Variants in SCAF8 observed in about 807,000 individuals in gnomAD.
SCAF8 encodes SR-related CTD associated factor 8.
SCAF8 carries 23 observed loss-of-function variants against 140.5 expected under a neutral mutation model. The ratio of observed to expected loss-of-function variants is 0.16; its 90% CI spans 0.12 to 0.23. The LOEUF is 0.23. SCAF8 is among the 10% of genes least tolerant of loss of function. The pLI, the probability that SCAF8 is intolerant of heterozygous loss-of-function variation, is 1.00. For synonymous variants in SCAF8, 575 were observed against 528.9 expected, an observed-to-expected ratio of 1.09 and a Z score of -1.20; for missense variants, 1,397 against 1,555.7, an observed-to-expected ratio of 0.90 and a Z score of 1.72.
chr6:154,789,087 A>G (rs978734882), intron 4 of SCAF8, among the ~76,000 whole-genome samples: 27 of 152,264 alleles, frequency 1.8e-4, no homozygotes, highest in Admixed American at 1.4e-3. Context: ...AAATCTTGTT[A>G]TAATGGATAG....
In SCAF8 at chr6:154,808,631, A is replaced by T. The variant is rs531090643; in HGVS notation, c.1114-55A>T. 15 of 1,108,726 alleles carry T rather than the reference A, an allele frequency of 1.4e-5. No individual in the cohort carries two copies. In the East Asian group the frequency reaches 3.7e-4, roughly 27 times the overall value. 68.7% of individuals were successfully genotyped at this position (1,108,726 alleles called of 1,614,324 possible). A position where few individuals can be genotyped will look rare whatever the true frequency, so the allele number is the denominator to read the frequency against. ...TTTTTAAAAACAGAATTGTCAATGT[A>T]TAACTCTGTCTCAACCAGCCTTTCT... On this transcript the variant is annotated intron_variant, in intron 10 of 19. Transcript: ENST00000367178.
rs560588274 is a variant in SCAF8 at position 154,735,108 on chromosome 6, AG to A, written c.30+1179del. ...CCACTGCAATCCAGCCCAGTGACAGAGTGAGACTCTGTCTACAAAAAAAAAA... is the reference window on the plus strand; with the variant it reads ...CCACTGCAATCCAGCCCAGTGACAGATGAGACTCTGTCTACAAAAAAAAAA... On this transcript the variant is annotated intron_variant, in intron 1 of 19. Coordinates refer to ENST00000367178, the MANE Select transcript of SCAF8 (RefSeq NM_014892.5). 3.4e-4 allele frequency among the ~76,000 whole-genome samples: 52 copies of A among 150,882 alleles called. No homozygotes were observed. The East Asian group carries it at 0.01, about 29-fold the overall frequency.
chr6:154,751,450 A>T (rs900207490), intron 1 of SCAF8, among the ~76,000 whole-genome samples: 1 of 151,842 alleles, frequency 6.6e-6, no homozygotes, highest in Admixed American at 6.6e-5. Context: ...CTGGTCTCGA[A>T]CTCCCTACCT....
At chr6:154,736,491 C>T (rs761282851) in intron 1 of SCAF8, among the ~76,000 whole-genome samples, 74 of 151,746 alleles carry the variant, frequency 4.9e-4, no homozygotes, top group Non-Finnish European at 7.2e-4. Context: ...AGGCTGGTCT[C>T]GAACTCCTGA....
intron 1 of SCAF8, among the ~76,000 whole-genome samples, chr6:154,771,466 G>T (rs1429475299): frequency 6.6e-6 from 1 of 152,210 alleles, no homozygotes; most frequent in Non-Finnish European, 1.5e-5. Context: ...TGGAAAGGTA[G>T]ACAGGAGTTA....
chr6:154,832,927 A>G lies in SCAF8; in HGVS notation c.3348A>G (p.Leu1116=). The G allele has an allele frequency of 6.2e-7, 1 of 1,614,164 alleles. No homozygotes were observed. The highest frequency in any genetic ancestry group is 1.1e-5 in the South Asian group (1 of 91,078). Reference sequence around the variant, plus strand: ...CGGTCTATGGTGGTCCAAAAGGCTTACATGAAGAAAGAGGTAGATTTCGGT... The same window carrying G: ...CGGTCTATGGTGGTCCAAAAGGCTTGCATGAAGAAAGAGGTAGATTTCGGT... ...VLPVYGGPKG[L]HEERGRFRSG... is the part of the protein sequence containing the mutation. Residue 1116 remains leucine, a synonymous_variant, in exon 20 of 20, where the codon TTA becomes TTG. Coordinates refer to ENST00000367178, the MANE Select transcript of SCAF8 (RefSeq NM_014892.5).
chr6:154,803,515 A>T, intron 7 of SCAF8, 29 bp from the exon 8 acceptor site: 1 of 1,526,846 alleles, frequency 6.5e-7, no homozygotes, highest in Non-Finnish European at 9.1e-7. Context: ...GCACTTTTTA[A>T]TATGTCTGTT....
chr6:154,787,762 C>T (rs1777294824), intron 3 of SCAF8, 99 bp from the exon 4 acceptor site: 1 of 900,232 alleles, frequency 1.1e-6, no homozygotes, highest in East Asian at 2.5e-5. Flanking sequence ...ATAGCATAGG[C>T]AATGTCTTTG....
rs1483640088 is a variant in SCAF8 at position 154,830,893 on chromosome 6, T to G, written c.2141-29T>G. 2.6e-6 allele frequency: 4 copies of G among 1,563,510 alleles called. No homozygotes were observed. The African/African-American group carries it at 4.1e-5, about 16-fold the overall frequency. On this transcript the variant is annotated intron_variant, in intron 18 of 19. Coordinates refer to ENST00000367178, the MANE Select transcript of SCAF8 (RefSeq NM_014892.5). ...AGCACATGAATTGACTCATTAAATC[T>G]GAAATATATTTTTCTCCTCTTTAAA...
intron 12 of SCAF8, among the ~76,000 whole-genome samples, chr6:154,814,387 A>G (rs1778186392): frequency 6.6e-6 from 1 of 152,198 alleles, no homozygotes; most frequent in African/African-American, 2.4e-5. Context: ...TAAATTGAAT[A>G]TGCATAGGGT....
chr6:154,743,529 G>C (rs1026534371), intron 1 of SCAF8, among the ~76,000 whole-genome samples: 1 of 152,138 alleles, frequency 6.6e-6, no homozygotes, highest in African/African-American at 2.4e-5. Context: ...TGAGAAATTT[G>C]ATGTCCTTTT....
intron 7 of SCAF8, 53 bp from the exon 8 acceptor site, chr6:154,803,491 T>C: frequency 8.2e-7 from 1 of 1,212,888 alleles, no homozygotes; most frequent in Non-Finnish European, 1.2e-6. Flanking sequence ...ATTTGTAACT[T>C]GTATTTGTGT....
intron 1 of SCAF8, among the ~76,000 whole-genome samples, chr6:154,758,991 G>T (rs1779033588): frequency 6.6e-6 from 1 of 152,174 alleles, no homozygotes; most frequent in South Asian, 2.1e-4. Flanking sequence ...AAAGCTAGGA[G>T]ATCATAGATG....
intron 3 of SCAF8, among the ~76,000 whole-genome samples, chr6:154,779,720 A>G (rs1038589354): frequency 6.6e-6 from 1 of 152,078 alleles, no homozygotes; most frequent in South Asian, 2.1e-4. Context: ...TGTTTAAATC[A>G]GAGATCCAGC....
At chr6:154,827,941 C>T (rs1194248224) in intron 18 of SCAF8, among the ~76,000 whole-genome samples, 1 of 152,034 alleles carries the variant, frequency 6.6e-6, no homozygotes, top group Non-Finnish European at 1.5e-5. Context: ...ACCCACCACA[C>T]TTGCACAGGC....
At chr6:154,826,414 G>A (rs1350849768) in intron 17 of SCAF8, among the ~76,000 whole-genome samples, 3 of 152,092 alleles carry the variant, frequency 2.0e-5, no homozygotes, top group African/African-American at 7.2e-5. Context: ...TGTGTATCAT[G>A]TAATTTACCA....
In SCAF8 at chr6:154,803,530, C is replaced by T. The variant is rs1289035545; in HGVS notation, c.784-14C>T. ...GCACTTTTTAATATGTCTGTTTCTC[C>T]TTCTTTCCCCCAGAAGTTGATGGAT... On this transcript the variant is annotated splice_polypyrimidine_tract_variant and intron_variant, in intron 7 of 19. Transcript: ENST00000367178. 4.4e-6 allele frequency: 7 copies of T among 1,598,380 alleles called. No homozygotes were observed. The highest frequency in any genetic ancestry group is 1.7e-6 in the Non-Finnish European group (2 of 1,167,530).
At position 154,805,350 on chromosome 6, in the gene SCAF8, C is replaced by T; in HGVS notation, c.864-19C>T. On this transcript the variant is annotated intron_variant, in intron 8 of 19. Coordinates refer to ENST00000367178, the MANE Select transcript of SCAF8 (RefSeq NM_014892.5). Reference sequence around the variant, plus strand: ...TTTAGTGGGTTTTAAAATATGTTTCCACCTGTTTTTCCTTTTAGTTCTCAC... The same window carrying T: ...TTTAGTGGGTTTTAAAATATGTTTCTACCTGTTTTTCCTTTTAGTTCTCAC... 2 of 1,409,754 alleles carry T rather than the reference C, an allele frequency of 1.4e-6. No individual in the cohort carries two copies. The highest frequency in any genetic ancestry group is 1.7e-5 in the Admixed American group (1 of 58,064). The allele number at this position is 1,409,754 out of a possible 1,614,324, so 87.3% of individuals were successfully genotyped here. A position where few individuals can be genotyped will look rare whatever the true frequency, so the allele number is the denominator to read the frequency against.
At chr6:154,812,872 G>A (rs1240870186) in intron 12 of SCAF8, among the ~76,000 whole-genome samples, 9 of 151,982 alleles carry the variant, frequency 5.9e-5, no homozygotes, top group Non-Finnish European at 1.2e-4. Flanking sequence ...GGAGATTAAG[G>A]CAGCTGGAAT....
Sources: allele counts gnomAD v4.1 joint callset (sites outside exome capture counted in the v4.1 genomes callset), GRCh38; gene constraint gnomAD v4.1.1; transcripts MANE v1.5; gene names NCBI Gene and HGNC (gene_info 2026-07-23, HGNC 2026-07-21).